Variants in AGFG1 observed in about 807,000 individuals in gnomAD.
AGFG1 encodes the protein ArfGAP with FG repeats 1, also known as arf-GAP domain and FG repeat-containing protein 1.
A neutral mutation model predicts 60.6 loss-of-function variants in AGFG1; 10 were observed. The observed-to-expected ratio is 0.16, with a 90% CI of 0.10 to 0.28. The LOEUF is 0.28. Ranked by LOEUF, AGFG1 falls within the 10% of genes least tolerant of loss-of-function variation. AGFG1 has a pLI of 1.00. For synonymous variants in AGFG1, 247 were observed against 242.9 expected, an observed-to-expected ratio of 1.02 and a Z score of -0.16; for missense variants, 537 against 676.5, an observed-to-expected ratio of 0.79 and a Z score of 2.29.
rs995298199 is a variant in AGFG1, at chr2:227,524,888, A to C, written c.667A>C (p.Asn223His). Residue 223 changes from asparagine to histidine, a missense_variant, in exon 5 of 13, where the codon AAC becomes CAC. Around this residue, in one of 4 missense-constraint regions of AGFG1, gnomAD observed 102 missense variants for 82.9 expected, o/e 1.23. Coordinates refer to ENST00000310078, the MANE Select transcript of AGFG1 (RefSeq NM_004504.5). Reference sequence around the variant, plus strand: ...GTCAACAGCTACAGCCAATTTTGCTAACTTTGCACATTTCAACAGTCATGC... The same window carrying C: ...GTCAACAGCTACAGCCAATTTTGCTCACTTTGCACATTTCAACAGTCATGC... ...PQSTATANFA[N>H]FAHFNSHAAQ... 6.2e-7 allele frequency: 1 copy of C among 1,614,126 alleles called. No homozygotes were observed. Among genetic ancestry groups the C allele is most frequent in the Non-Finnish European group, 8.5e-7 (1 of 1,179,978 alleles).
intron 10 of AGFG1, among the ~76,000 whole-genome samples, chr2:227,549,458 T>TG (rs1180977631): frequency 6.6e-6 from 1 of 152,238 alleles, no homozygotes; most frequent in Admixed American, 6.5e-5. Flanking sequence ...CTGTACAAGA[T>TG]GCCTTTTTCT....
At chr2:227,530,842 A>G (rs974614934) in intron 5 of AGFG1, among the ~76,000 whole-genome samples, 3 of 152,136 alleles carry the variant, frequency 2.0e-5, no homozygotes, top group African/African-American at 7.2e-5. Context: ...TTGAGGTCAT[A>G]TACAGAGTAT....
At chr2:227,546,907 T>A (rs1692666081) in intron 10 of AGFG1, among the ~76,000 whole-genome samples, 2 of 152,240 alleles carry the variant, frequency 1.3e-5, no homozygotes, top group Non-Finnish European at 2.9e-5. Context: ...GGAAAGGTAC[T>A]TACCAAAATG....
chr2:227,521,718 A>G (rs1691831538), intron 3 of AGFG1, among the ~76,000 whole-genome samples: 1 of 152,232 alleles, frequency 6.6e-6, no homozygotes, highest in Non-Finnish European at 1.5e-5. Context: ...GGTCAGCTCT[A>G]GCTATCAACA....
rs903953211 is a variant in AGFG1 at position 227,560,765 on chromosome 2, T to C, written c.*6270T>C. The C allele has an allele frequency of 2.0e-5, 3 of 152,170 alleles. No homozygotes were observed. The highest frequency in any genetic ancestry group is 2.9e-5 in the Non-Finnish European group (2 of 67,986). 9.4% of individuals were successfully genotyped at this position (152,170 alleles called of 1,614,324 possible). ...TATGCTTTAGAAAAAATGTGAGTTA[T>C]TACTCTGAAAGTTGTGATTCTGATT... On this transcript the variant is annotated 3_prime_UTR_variant, in exon 13 of 13. Coordinates refer to ENST00000310078, the MANE Select transcript of AGFG1 (RefSeq NM_004504.5).
At chr2:227,549,046 T>C (rs1283775567) in intron 10 of AGFG1, among the ~76,000 whole-genome samples, 1 of 152,172 alleles carries the variant, frequency 6.6e-6, no homozygotes, top group Non-Finnish European at 1.5e-5. Context: ...AGTGACACTT[T>C]TTTAAGTTAG....
At chr2:227,529,773 A>G (rs759418717) in intron 5 of AGFG1, among the ~76,000 whole-genome samples, 4 of 152,098 alleles carry the variant, frequency 2.6e-5, no homozygotes, top group African/African-American at 7.2e-5. Flanking sequence ...CAGGTAACAC[A>G]AATGAGTAGT....
At chr2:227,513,622 C>A (rs1403789879) in intron 2 of AGFG1, among the ~76,000 whole-genome samples, 2 of 152,200 alleles carry the variant, frequency 1.3e-5, no homozygotes, top group South Asian at 2.1e-4. Context: ...GATTTCCTTA[C>A]AACCCACCTA....
chr2:227,552,034 G>A lies in AGFG1; in HGVS notation c.1454G>A (p.Ser485Asn). The change falls in exon 11 of 13, where the codon AGC becomes AAC. Residue 485 changes from serine (S) to asparagine (N), a missense_variant. Around this residue, in one of 4 missense-constraint regions of AGFG1, gnomAD observed 287 missense variants for 343.6 expected, o/e 0.84. Coordinates refer to ENST00000310078, the MANE Select transcript of AGFG1 (RefSeq NM_004504.5). ...CCTGCTCCCTACAGTCTTCCCACCA[G>A]CTTTAGTGGCAGCTTTCAGCAGCCT... ...GTPAPYSLPT[S>N]FSGSFQQPAF... 1 of 1,614,150 alleles carries A rather than the reference G, an allele frequency of 6.2e-7. No individual in the cohort carries two copies. Among genetic ancestry groups the A allele is most frequent in the Non-Finnish European group, 8.5e-7 (1 of 1,180,034 alleles).
intron 1 of AGFG1, among the ~76,000 whole-genome samples, chr2:227,479,629 C>G (rs71431048): frequency 6.6e-6 from 1 of 152,020 alleles, no homozygotes; most frequent in Non-Finnish European, 1.5e-5. Context: ...TGGAAATATT[C>G]GGGACTAGGT....
rs540605426 is a variant in AGFG1, at chr2:227,476,530, C to T, written c.167+3942C>T. 2.0e-5 allele frequency among the ~76,000 whole-genome samples: 3 copies of T among 152,292 alleles called. No individual in the cohort carries two copies. In the East Asian group the frequency reaches 5.8e-4, roughly 29 times the overall value. On this transcript the variant is annotated intron_variant, in intron 1 of 12. Coordinates refer to ENST00000310078, the MANE Select transcript of AGFG1 (RefSeq NM_004504.5). ...AAAGAGGTTGCCACTTTAATACCAT[C>T]TATTTTATGTGGACAGTGCATTTAA... is the stretch of plus-strand genomic sequence containing the variant.
chr2:227,478,077 T>C (rs994812915), intron 1 of AGFG1, among the ~76,000 whole-genome samples: 2 of 152,082 alleles, frequency 1.3e-5, no homozygotes, highest in Non-Finnish European at 2.9e-5. Context: ...ATGGTGCCGT[T>C]CCAACAGCGA....
chr2:227,498,663 AAT>A (rs1397459282), intron 2 of AGFG1, among the ~76,000 whole-genome samples: 1 of 152,230 alleles, frequency 6.6e-6, no homozygotes, highest in Non-Finnish European at 1.5e-5. Flanking sequence ...CACTAACAAA[AAT>A]GTAGAAAATG....
chr2:227,491,687 C>A, intron 2 of AGFG1, 47 bp downstream of exon 2: 1 of 1,190,290 alleles, frequency 8.4e-7, no homozygotes. Context: ...TTTTTGTTGG[C>A]AGTCATTTTA....
intron 1 of AGFG1, among the ~76,000 whole-genome samples, chr2:227,477,309 G>GA (rs1690314468): frequency 6.6e-6 from 1 of 151,580 alleles, no homozygotes; most frequent in African/African-American, 2.4e-5. Context: ...AGTATTTATT[G>GA]AAAAAAAAGA....
chr2:227,489,635 A>C (rs1216011781), intron 1 of AGFG1, among the ~76,000 whole-genome samples: 1 of 152,166 alleles, frequency 6.6e-6, no homozygotes, highest in Non-Finnish European at 1.5e-5. Flanking sequence ...ATTTAAAGCA[A>C]AACAAAACAA....
intron 10 of AGFG1, among the ~76,000 whole-genome samples, chr2:227,542,510 A>C (rs1310812735): frequency 2.6e-5 from 4 of 152,168 alleles, no homozygotes; most frequent in Admixed American, 6.5e-5. Flanking sequence ...GGGTGAAGCC[A>C]GCTTGATCAT....
At chr2:227,504,698 A>G (rs770370998) in intron 2 of AGFG1, among the ~76,000 whole-genome samples, 5 of 152,194 alleles carry the variant, frequency 3.3e-5, no homozygotes, top group Non-Finnish European at 7.4e-5. Flanking sequence ...CCATTGATTT[A>G]TTTAGAAGTA....
intron 6 of AGFG1, among the ~76,000 whole-genome samples, chr2:227,531,879 A>G (rs1170349689): frequency 6.6e-6 from 1 of 152,218 alleles, no homozygotes; most frequent in Non-Finnish European, 1.5e-5. Flanking sequence ...TTATATGTTT[A>G]TTAGACAAGA....
Sources: gnomAD v4.1 joint callset for allele counts (sites outside exome capture counted in the v4.1 genomes callset) on GRCh38, gnomAD v4.1.1 for gene constraint, gnomAD v4.1.1 regional missense constraint, MANE v1.5 for transcripts, NCBI Gene and HGNC (gene_info 2026-07-23, HGNC 2026-07-21) for gene names.